Variants in GABRG3 observed in about 807,000 individuals in gnomAD.
GABRG3 encodes the protein gamma-aminobutyric acid type A receptor subunit gamma3, also known as gamma-aminobutyric acid receptor subunit gamma-3.
A neutral mutation model predicts 48.8 loss-of-function variants in GABRG3; 25 were observed. The observed-to-expected ratio is 0.51, with a 90% confidence interval of 0.37 to 0.72. The LOEUF is 0.72. GABRG3 is among the 30% of genes least tolerant of loss of function. The pLI is 0.00. For synonymous variants in GABRG3, 227 were observed against 217.6 expected (o/e 1.04, Z -0.38); for missense variants, 394 against 577.9 (o/e 0.68, Z 3.26).
chr15:27,243,745 G>C (rs1328369703), intron 3 of GABRG3, among the ~76,000 whole-genome samples: 2 of 152,114 alleles, frequency 1.3e-5, no homozygotes, highest in East Asian at 3.9e-4. Context: ...TTCAACATCA[G>C]TTAATACTAA....
At chr15:27,500,920 A>T (rs1225195179) in intron 6 of GABRG3, among the ~76,000 whole-genome samples, 2 of 148,134 alleles carry the variant, frequency 1.4e-5, no homozygotes, top group African/African-American at 5.0e-5. Context: ...TAGCCTGGGG[A>T]GGCTGTCTGA....
At chr15:27,421,016 T>G (rs192641311) in intron 5 of GABRG3, among the ~76,000 whole-genome samples, 269 of 152,270 alleles carry the variant, frequency 1.8e-3, no homozygotes, top group African/African-American at 6.1e-3. Flanking sequence ...ACTCTTAAAT[T>G]TTGTGGAAAA....
At chr15:27,314,745 A>G (rs953099121) in intron 3 of GABRG3, among the ~76,000 whole-genome samples, 1 of 152,234 alleles carries the variant, frequency 6.6e-6, no homozygotes, top group African/African-American at 2.4e-5. Context: ...AAAATTCTGC[A>G]CTATGTGACA....
At chr15:27,107,166 A>C (rs887615697) in intron 3 of GABRG3, among the ~76,000 whole-genome samples, 1 of 152,048 alleles carries the variant, frequency 6.6e-6, no homozygotes, top group African/African-American at 2.4e-5. Context: ...TCAGTCTCTT[A>C]CCATTAAATA....
intron 5 of GABRG3, chr15:27,363,474 C>G (rs1370226835): frequency 2.0e-5 from 3 of 152,088 alleles, no homozygotes; most frequent in Non-Finnish European, 4.4e-5. Flanking sequence ...AGAAGCTACT[C>G]AGATTGAGTT....
chr15:27,168,980 T>C (rs1887474330), intron 3 of GABRG3, among the ~76,000 whole-genome samples: 1 of 152,222 alleles, frequency 6.6e-6, no homozygotes, highest in African/African-American at 2.4e-5. Context: ...CAGGTCCTTC[T>C]TGCTCTTTGT....
intron 5 of GABRG3, among the ~76,000 whole-genome samples, chr15:27,401,285 A>G (rs1049563997): frequency 6.6e-6 from 1 of 152,192 alleles, no homozygotes; most frequent in Non-Finnish European, 1.5e-5. Flanking sequence ...GTTTACATCA[A>G]TGTGATTGGA....
chr15:27,343,044 C>T (rs1462478437), intron 5 of GABRG3, among the ~76,000 whole-genome samples: 3 of 152,176 alleles, frequency 2.0e-5, no homozygotes, highest in Non-Finnish European at 2.9e-5. Context: ...TCTCCAAGAC[C>T]CTACCTGTCT....
At chr15:27,346,024 A>G (rs1894353525) in intron 5 of GABRG3, among the ~76,000 whole-genome samples, 1 of 146,338 alleles carries the variant, frequency 6.8e-6, no homozygotes, top group African/African-American at 2.5e-5. Flanking sequence ...GCTGCACTTC[A>G]GCCTAGGTGA....
chr15:27,055,019 T>TGTTTGTTTTG lies in GABRG3; in HGVS notation c.270+28198_270+28199insGTTTGTTTTG, dbSNP rs61132248. Among the ~76,000 whole-genome samples the TGTTTGTTTTG allele has an allele frequency of 5.7e-4, 86 of 151,482 alleles. 1 individual carries two copies. Among genetic ancestry groups the TGTTTGTTTTG allele is most frequent in the African/African-American group, 2.0e-3 (84 of 41,006 alleles). On this transcript the variant is annotated intron_variant, in intron 3 of 9. Coordinates refer to ENST00000615808, the MANE Select transcript of GABRG3 (RefSeq NM_033223.5). ...GGGCCAAGACCTGTTTTTTTTTTTTTTTTTTTTTAAATGACTTGTCAGCTA... is the reference window on the plus strand; with the variant it reads ...GGGCCAAGACCTGTTTTTTTTTTTTTGTTTGTTTTGTTTTTTTTAAATGACTTGTCAGCTA...
intron 3 of GABRG3, among the ~76,000 whole-genome samples, chr15:27,182,519 G>A (rs190146825): frequency 5.5e-4 from 83 of 152,264 alleles, no homozygotes; most frequent in African/African-American, 1.9e-3. Context: ...CCCGCCATGT[G>A]AAAGCAGTGA....
chr15:27,317,127 CT>C (rs1230854023), intron 3 of GABRG3, among the ~76,000 whole-genome samples: 1 of 152,158 alleles, frequency 6.6e-6, no homozygotes, highest in Non-Finnish European at 1.5e-5. Flanking sequence ...CTGGCCTCTC[CT>C]TGTGTATTTC....
In GABRG3 at chr15:27,493,998, A is replaced by G. The variant is rs188040697; in HGVS notation, c.712+13211A>G. Among the ~76,000 whole-genome samples, 686 of 152,288 alleles carry G rather than the reference A, an allele frequency of 4.5e-3. 12 individuals carry two copies. The highest frequency in any genetic ancestry group is 0.03 in the South Asian group (146 of 4,828). On this transcript the variant is annotated intron_variant, in intron 6 of 9. Transcript: ENST00000615808. ...AGGAAGCTGTGGTTATTCTGGTTTT[A>G]TAAAAGAATGGATGTTGAATTTTGT...
At chr15:27,146,312 C>T (rs546541037) in intron 3 of GABRG3, among the ~76,000 whole-genome samples, 1 of 152,174 alleles carries the variant, frequency 6.6e-6, no homozygotes, top group South Asian at 2.1e-4. Context: ...AAAAAGTTAG[C>T]CAGGTTTGAT....
chr15:27,112,413 C>T (rs1419319331), intron 3 of GABRG3, among the ~76,000 whole-genome samples: 6 of 150,996 alleles, frequency 4.0e-5, no homozygotes, highest in Non-Finnish European at 7.4e-5. Context: ...CCCTTAACCC[C>T]GTATCTTCAG....
rs529595344 is a variant in GABRG3 at position 27,065,061 on chromosome 15, G to T, written c.270+38240G>T. ...AGCAGGTGCCGTGTGGTGGGCTCCT[G>T]CACCCTCTCTTTGAGGCACCCCATT... On this transcript the variant is annotated intron_variant, in intron 3 of 9. Transcript: ENST00000615808. Among the ~76,000 whole-genome samples, 5 of 152,246 alleles carry T rather than the reference G, an allele frequency of 3.3e-5. No individual in the cohort carries two copies. In the East Asian group the frequency reaches 9.7e-4, roughly 29 times the overall value.
intron 6 of GABRG3, among the ~76,000 whole-genome samples, chr15:27,486,999 C>G (rs1890236231): frequency 6.6e-6 from 1 of 152,056 alleles, no homozygotes; most frequent in South Asian, 2.1e-4. Context: ...GAAGTGGTTT[C>G]TTCTTGGCTT....
chr15:27,211,927 T>C (rs1889093821), intron 3 of GABRG3, among the ~76,000 whole-genome samples: 1 of 152,224 alleles, frequency 6.6e-6, no homozygotes, highest in Admixed American at 6.5e-5. Context: ...AAACTAGTTC[T>C]TGTTTGCTGT....
At chr15:27,379,516 G>A (rs138063016) in intron 5 of GABRG3, among the ~76,000 whole-genome samples, 16 of 152,128 alleles carry the variant, frequency 1.1e-4, no homozygotes, top group South Asian at 4.1e-4. Context: ...CTCCTCTAGC[G>A]GTCTTCCTTC....
Sources: gnomAD v4.1 joint callset for allele counts (sites outside exome capture counted in the v4.1 genomes callset) on GRCh38, gnomAD v4.1.1 for gene constraint, MANE v1.5 for transcripts, NCBI Gene and HGNC (gene_info 2026-07-23, HGNC 2026-07-21) for gene names.